The following ERBB4 variants were observed in gnomAD, a reference collection of about 807,000 sequenced individuals.
ERBB4 encodes the protein erb-b2 receptor tyrosine kinase 4, also known as receptor tyrosine-protein kinase erbB-4.
Under a neutral mutation model 158.0 loss-of-function variants are expected in ERBB4, and 42 were observed. The ratio of observed to expected loss-of-function variants is 0.27; its 90% CI spans 0.21 to 0.34. ERBB4 has a LOEUF of 0.34. Ranked by LOEUF, ERBB4 falls within the 10% of genes least tolerant of loss-of-function variation. The pLI, the probability that ERBB4 is intolerant of heterozygous loss-of-function variation, is 1.00. For missense variants in ERBB4, 1,333 were observed against 1,624.1 expected (o/e 0.82, Z 3.08); for synonymous variants, 583 against 558.7 (o/e 1.04, Z -0.61).
chr2:212,107,533 T>C (rs1040079327), intron 2 of ERBB4, among the ~76,000 whole-genome samples: 10 of 152,202 alleles, frequency 6.6e-5, no homozygotes, highest in Admixed American at 6.5e-4. Context: ...GATGAGACTT[T>C]GGACTGTGGA....
chr2:212,396,568 C>T (rs1015065720), intron 1 of ERBB4, among the ~76,000 whole-genome samples: 1 of 152,010 alleles, frequency 6.6e-6, no homozygotes, highest in Admixed American at 6.6e-5. Context: ...ATAGTAAGAA[C>T]CCCGAGATAT....
chr2:211,509,646 ATAGAG>A (rs199920014), intron 20 of ERBB4, among the ~76,000 whole-genome samples: 2,103 of 152,220 alleles, frequency 0.014, 28 homozygotes, highest in Admixed American at 0.023. Context: ...GAAACTATCA[ATAGAG>A]TAAACAGTCT....
chr2:211,558,433 G>T (rs985942137), intron 20 of ERBB4, among the ~76,000 whole-genome samples: 8 of 152,076 alleles, frequency 5.3e-5, no homozygotes, highest in Non-Finnish European at 1.2e-4. Context: ...GGTAATCCAG[G>T]ATAATCTCAT....
intron 2 of ERBB4, among the ~76,000 whole-genome samples, chr2:211,966,341 A>G (rs2081311349): frequency 6.6e-6 from 1 of 152,158 alleles, no homozygotes; most frequent in Non-Finnish European, 1.5e-5. Context: ...TCCCAGGTTC[A>G]AGTGATTCTC....
At chr2:212,538,372 A>G in intron 1 of ERBB4, 77 bp downstream of exon 1, 1 of 1,292,310 alleles carries the variant, frequency 7.7e-7, no homozygotes, top group East Asian at 2.3e-5. Context: ...GGATGGGTGA[A>G]GAGGGCAGGG....
intron 20 of ERBB4, among the ~76,000 whole-genome samples, chr2:211,517,760 T>C (rs10193855): frequency 0.22 from 32,772 of 152,104 alleles, 3,648 homozygotes; most frequent in Middle Eastern, 0.28. Context: ...TGCAAGCTGC[T>C]TGTACTTCTG....
intron 1 of ERBB4, among the ~76,000 whole-genome samples, chr2:212,208,493 A>G (rs1398048623): frequency 1.3e-5 from 2 of 152,222 alleles, no homozygotes; most frequent in Non-Finnish European, 2.9e-5. Flanking sequence ...GGCTAAGGCA[A>G]GAGATTATAT....
At chr2:212,461,580 C>T (rs1389399791) in intron 1 of ERBB4, among the ~76,000 whole-genome samples, 3 of 152,126 alleles carry the variant, frequency 2.0e-5, no homozygotes, top group Admixed American at 6.5e-5. Context: ...AAGGGACTTG[C>T]CTTGTCTCAG....
At chr2:212,262,897 C>G (rs1172854578) in intron 1 of ERBB4, among the ~76,000 whole-genome samples, 2 of 152,086 alleles carry the variant, frequency 1.3e-5, no homozygotes, top group Non-Finnish European at 2.9e-5. Flanking sequence ...TCAGGAATCT[C>G]CTGATACATT....
chr2:211,575,869 T>G (rs1364326202), intron 19 of ERBB4, among the ~76,000 whole-genome samples: 3 of 152,304 alleles, frequency 2.0e-5, no homozygotes, highest in African/African-American at 7.2e-5. Context: ...GTAGGATAAT[T>G]TATATGTAGA....
intron 1 of ERBB4, among the ~76,000 whole-genome samples, chr2:212,226,593 A>C (rs2083478861): frequency 6.6e-6 from 1 of 152,136 alleles, no homozygotes; most frequent in Non-Finnish European, 1.5e-5. Flanking sequence ...ATCACTGATA[A>C]ACTTGTTACT....
intron 1 of ERBB4, among the ~76,000 whole-genome samples, chr2:212,140,080 C>A (rs1398045235): frequency 6.6e-6 from 1 of 151,690 alleles, no homozygotes. Context: ...TAATGCAAGT[C>A]AAATAATGAC....
At position 212,119,418 on chromosome 2, in the gene ERBB4, AAAG is replaced by A. The variant is rs1460848947; in HGVS notation, c.234+5331_234+5333del. Among the ~76,000 whole-genome samples, 11 of 152,292 alleles carry A rather than the reference AAAG, an allele frequency of 7.2e-5. No individual in the cohort carries two copies. The East Asian group carries it at 1.9e-3, about 27-fold the overall frequency. ...TGAGTTATTAAGTGCCAGCAGTAGC[AAAG>A]AAGACCAATGGAATGACAAAGGAGA... is the stretch of plus-strand genomic sequence containing the variant. On this transcript the variant is annotated intron_variant, in intron 2 of 27. Transcript: ENST00000342788.
chr2:212,411,316 A>G (rs903433537), intron 1 of ERBB4, among the ~76,000 whole-genome samples: 2 of 152,098 alleles, frequency 1.3e-5, no homozygotes, highest in African/African-American at 4.8e-5. Context: ...ACATCATCTT[A>G]ATAACTTTTT....
chr2:212,370,757 C>G (rs541421961), intron 1 of ERBB4, among the ~76,000 whole-genome samples: 1 of 152,242 alleles, frequency 6.6e-6, no homozygotes, highest in East Asian at 1.9e-4. Flanking sequence ...CCCTTAAACA[C>G]TGATTCCCTT....
intron 16 of ERBB4, among the ~76,000 whole-genome samples, chr2:211,651,952 T>C (rs528237356): frequency 1.3e-5 from 2 of 152,310 alleles, no homozygotes; most frequent in African/African-American, 4.8e-5. Flanking sequence ...GTGTTTTGTT[T>C]TGTTTGTTTA....
intron 3 of ERBB4, among the ~76,000 whole-genome samples, chr2:211,822,927 T>C (rs13431031): frequency 0.25 from 37,560 of 151,936 alleles, 5,655 homozygotes; most frequent in East Asian, 0.42. Context: ...TTTCTATATC[T>C]AGAGCTTAAT....
intron 25 of ERBB4, 67 bp from the exon 26 acceptor site, chr2:211,388,059 A>G (rs1035832795): frequency 5.5e-6 from 7 of 1,272,516 alleles, no homozygotes; most frequent in Non-Finnish European, 8.0e-6. Context: ...AATTAAAAAA[A>G]GAAACGAAAA....
chr2:212,218,122 T>G (rs2083162042), intron 1 of ERBB4, among the ~76,000 whole-genome samples: 1 of 151,346 alleles, frequency 6.6e-6, no homozygotes, highest in African/African-American at 2.4e-5. Context: ...CCTCAAAGTC[T>G]CCATTGCTAA....
Sources: gnomAD v4.1 joint callset for allele counts (sites outside exome capture counted in the v4.1 genomes callset) on GRCh38, gnomAD v4.1.1 for gene constraint, MANE v1.5 for transcripts, NCBI Gene and HGNC (gene_info 2026-07-23, HGNC 2026-07-21) for gene names.